COG5: variants seen among roughly 807,000 people sequenced by gnomAD.
The protein encoded by COG5 is component of oligomeric golgi complex 5.
In COG5, 86 loss-of-function variants were observed where a neutral mutation model predicts 110.4. The observed-to-expected ratio is 0.78, with a 90% CI of 0.65 to 0.93. The LOEUF is 0.93. COG5 is among the 40% of genes least tolerant of loss of function. COG5 has a pLI of 0.00. For missense variants in COG5, 1,077 were observed against 987.0 expected (o/e 1.09, Z -1.22); for synonymous variants, 360 against 334.6 (o/e 1.08, Z -0.83).
At chr7:107,510,834 C>A (rs556566664) in intron 6 of COG5, among the ~76,000 whole-genome samples, 20 of 152,288 alleles carry the variant, frequency 1.3e-4, no homozygotes, top group African/African-American at 4.8e-4. Flanking sequence ...TAAAGATGTT[C>A]TCTGAAACCA....
At chr7:107,407,875 T>A (rs1275849535) in intron 7 of COG5, among the ~76,000 whole-genome samples, 4 of 152,150 alleles carry the variant, frequency 2.6e-5, no homozygotes, top group Non-Finnish European at 5.9e-5. Context: ...CATTTGGGGA[T>A]GTAGCAAGAT....
At chr7:107,306,877 C>T (rs1358786609) in intron 11 of COG5, among the ~76,000 whole-genome samples, 4 of 152,126 alleles carry the variant, frequency 2.6e-5, no homozygotes, top group Non-Finnish European at 5.9e-5. Flanking sequence ...AACACACGTC[C>T]AAGACCTATT....
intron 6 of COG5, among the ~76,000 whole-genome samples, chr7:107,497,850 A>C (rs1488581912): frequency 6.6e-6 from 1 of 152,212 alleles, no homozygotes; most frequent in Non-Finnish European, 1.5e-5. Context: ...TCTGAGAAAC[A>C]AATAATATAG....
chr7:107,357,908 A>G lies in COG5; in HGVS notation c.1026+4125T>C, dbSNP rs142452424. Among the ~76,000 whole-genome samples the G allele has an allele frequency of 6.3e-4, 96 of 152,270 alleles. 3 individuals are homozygous for G. In the South Asian group the frequency reaches 0.019, roughly 31 times the overall value. ...GGTTTTAAACTCATGGCATCAAAAGATTCTCTCACCTCAGTCTCCCAAATT... is the reference window on the plus strand; with the variant it reads ...GGTTTTAAACTCATGGCATCAAAAGGTTCTCTCACCTCAGTCTCCCAAATT... On this transcript the variant is annotated intron_variant, in intron 10 of 21. Coordinates refer to ENST00000297135, the MANE Select transcript of COG5 (RefSeq NM_006348.5).
chr7:107,263,409 A>C (rs1803531805), intron 14 of COG5, among the ~76,000 whole-genome samples: 1 of 152,230 alleles, frequency 6.6e-6, no homozygotes, highest in African/African-American at 2.4e-5. Flanking sequence ...ACTGAGAATG[A>C]GGGAACTAGA....
At chr7:107,208,190 G>A in intron 21 of COG5, 2 of 985,434 alleles carry the variant, frequency 2.0e-6, no homozygotes, top group Non-Finnish European at 2.4e-6. Context: ...CTGAAGGACA[G>A]CTCAATTTTT....
At chr7:107,228,789 A>G (rs75205777) in intron 19 of COG5, among the ~76,000 whole-genome samples, 2 of 151,694 alleles carry the variant, frequency 1.3e-5, no homozygotes, top group South Asian at 4.2e-4. Context: ...AAAAAAAAAA[A>G]GGCCTGTGCT....
chr7:107,379,850 C>T (rs1379753931), intron 7 of COG5, among the ~76,000 whole-genome samples: 1 of 152,130 alleles, frequency 6.6e-6, no homozygotes, highest in Non-Finnish European at 1.5e-5. Context: ...TAATGCCCCA[C>T]TGTCAATATG....
At chr7:107,362,809 T>G (rs951527765) in intron 8 of COG5, among the ~76,000 whole-genome samples, 1 of 145,814 alleles carries the variant, frequency 6.9e-6, no homozygotes, top group Non-Finnish European at 1.5e-5. Context: ...TTGTATCCCC[T>G]TTCTTAAAAA....
chr7:107,475,359 C>T, intron 6 of COG5: 8 of 1,433,810 alleles, frequency 5.6e-6, no homozygotes, highest in Non-Finnish European at 7.5e-6. Context: ...TTGTCACAGA[C>T]TAGAGAAAAG....
intron 12 of COG5, among the ~76,000 whole-genome samples, chr7:107,289,805 A>G (rs774333605): frequency 6.6e-6 from 1 of 152,198 alleles, no homozygotes; most frequent in Non-Finnish European, 1.5e-5. Context: ...ATGAATTGTT[A>G]TAATTACTAT....
chr7:107,311,370 A>ATTT (rs71134260), intron 11 of COG5, among the ~76,000 whole-genome samples: 1,265 of 58,942 alleles, frequency 0.021, 261 homozygotes, highest in Non-Finnish European at 0.03. Flanking sequence ...GCGTATTTAC[A>ATTT]TTTTTTTTTT....
At chr7:107,244,998 A>T (rs1007244851) in intron 17 of COG5, among the ~76,000 whole-genome samples, 9 of 152,110 alleles carry the variant, frequency 5.9e-5, no homozygotes, top group African/African-American at 1.2e-4. Context: ...GACACAGCGA[A>T]AAAAGAAAAC....
At chr7:107,311,480 G>T (rs886928431) in intron 11 of COG5, among the ~76,000 whole-genome samples, 4 of 132,710 alleles carry the variant, frequency 3.0e-5, no homozygotes, top group African/African-American at 1.1e-4. Context: ...TGCAAGCTCC[G>T]CTTCCCGGGT....
chr7:107,504,074 C>T (rs1198018311), intron 6 of COG5, among the ~76,000 whole-genome samples: 1 of 152,038 alleles, frequency 6.6e-6, no homozygotes, highest in Non-Finnish European at 1.5e-5. Flanking sequence ...TGTCTTGTTC[C>T]AGTTCTCAGG....
intron 6 of COG5, among the ~76,000 whole-genome samples, chr7:107,441,296 A>G (rs1563037009): frequency 6.8e-6 from 1 of 147,062 alleles, no homozygotes; most frequent in Non-Finnish European, 1.5e-5. Context: ...AATCCTGAGG[A>G]GGGAGTTGTG....
rs182660053 is a variant in COG5 at position 107,479,431 on chromosome 7, T to C, written c.538+47806A>G. On this transcript the variant is annotated intron_variant, in intron 6 of 21. Coordinates refer to ENST00000297135, the MANE Select transcript of COG5 (RefSeq NM_006348.5). Reference sequence around the variant, plus strand: ...CACAGAATTGATGAGACACAGAAGATAGGAAGCTGCTGCCATCACCTTCAT... The same window carrying C: ...CACAGAATTGATGAGACACAGAAGACAGGAAGCTGCTGCCATCACCTTCAT... Among the ~76,000 whole-genome samples, 563 of 152,070 alleles carry C rather than the reference T, an allele frequency of 3.7e-3. 1 individual carries two copies. The highest frequency in any genetic ancestry group is 6.1e-3 in the Non-Finnish European group (418 of 67,984).
chr7:107,419,413 AGAAT>A (rs1258390224), intron 6 of COG5, among the ~76,000 whole-genome samples: 9 of 152,114 alleles, frequency 5.9e-5, no homozygotes, highest in East Asian at 1.9e-4. Context: ...TAACCTTTAA[AGAAT>A]GAATGAATTA....
At chr7:107,561,376 G>C (rs921685126) in intron 1 of COG5, among the ~76,000 whole-genome samples, 2 of 152,208 alleles carry the variant, frequency 1.3e-5, no homozygotes, top group African/African-American at 4.8e-5. Context: ...AGGGGCAACA[G>C]AGACCGCTTA....
Sources: gnomAD v4.1 joint callset for allele counts (sites outside exome capture counted in the v4.1 genomes callset) on GRCh38, gnomAD v4.1.1 for gene constraint, MANE v1.5 for transcripts, NCBI Gene and HGNC (gene_info 2026-07-23, HGNC 2026-07-21) for gene names.